EYS: variants seen among roughly 807,000 people sequenced by gnomAD.
The protein encoded by EYS is protein eyes shut homolog.
A neutral mutation model predicts 282.1 loss-of-function variants in EYS; 250 were observed. That is an observed-to-expected ratio of 0.89 (90% CI 0.80 to 0.98). The LOEUF (loss-of-function observed/expected upper bound fraction) is 0.98, where lower values mean the gene tolerates loss of function less well. Among genes scored for constraint, EYS ranks in the 50% least tolerant of loss-of-function variants. EYS has a pLI of 0.00. For missense variants in EYS, 4,016 were observed against 3,709.0 expected, an observed-to-expected ratio of 1.08 and a Z score of -2.15; for synonymous variants, 1,355 against 1,282.9, an observed-to-expected ratio of 1.06 and a Z score of -1.20.
intron 36 of EYS, among the ~76,000 whole-genome samples, chr6:63,811,645 A>G (rs1771049512): frequency 6.6e-6 from 1 of 152,162 alleles, no homozygotes; most frequent in African/African-American, 2.4e-5. Context: ...CACATATCCA[A>G]CCAACTACTA....
intron 26 of EYS, among the ~76,000 whole-genome samples, chr6:64,458,265 T>TA (rs545228559): frequency 6.6e-6 from 1 of 152,140 alleles, no homozygotes; most frequent in Non-Finnish European, 1.5e-5. Context: ...TTACTTGTAC[T>TA]AGTCAGTTTT....
intron 28 of EYS, among the ~76,000 whole-genome samples, chr6:64,432,211 C>G (rs1408055104): frequency 6.6e-6 from 1 of 152,038 alleles, no homozygotes; most frequent in African/African-American, 2.4e-5. Flanking sequence ...AGTTTTAGAA[C>G]TGACAGAGTG....
chr6:64,227,345 ACT>A (rs1466958596), intron 31 of EYS, among the ~76,000 whole-genome samples: 2 of 151,840 alleles, frequency 1.3e-5, no homozygotes, highest in South Asian at 2.1e-4. Context: ...TTTAAAGAAA[ACT>A]CTCTTTTCTT....
rs545636713 is a variant in EYS, at chr6:63,927,161, C to T, written c.7055+57222G>A. Among the ~76,000 whole-genome samples the T allele has an allele frequency of 2.0e-5, 3 of 152,266 alleles. No individual in the cohort carries two copies. In the East Asian group the frequency reaches 5.8e-4, roughly 29 times the overall value. On this transcript the variant is annotated intron_variant, in intron 35 of 42. Transcript: ENST00000503581. The stretch of plus-strand genomic sequence containing the variant: ...GAAATTACTTGACCTCTCTGAGCCT[C>T]AGTTTGTTTCCGCAGAAAAGTAGGG...
At chr6:65,438,090 A>C (rs1768150885) in intron 5 of EYS, among the ~76,000 whole-genome samples, 1 of 144,936 alleles carries the variant, frequency 6.9e-6, no homozygotes, top group African/African-American at 2.6e-5. Flanking sequence ...CCCACCTACG[A>C]GTGAGAACAT....
At chr6:65,145,536 A>C (rs1764457129) in intron 12 of EYS, among the ~76,000 whole-genome samples, 1 of 151,932 alleles carries the variant, frequency 6.6e-6, no homozygotes, top group African/African-American at 2.4e-5. Flanking sequence ...GATGTGGAGG[A>C]AAGAAATGCC....
chr6:64,944,801 T>C (rs1583317686), intron 15 of EYS, among the ~76,000 whole-genome samples: 1 of 152,216 alleles, frequency 6.6e-6, no homozygotes, highest in Non-Finnish European at 1.5e-5. Flanking sequence ...AACCGCCCTA[T>C]GGTGGGAGGC....
intron 22 of EYS, among the ~76,000 whole-genome samples, chr6:64,636,723 G>A (rs1767994181): frequency 6.6e-6 from 1 of 151,832 alleles, no homozygotes; most frequent in African/African-American, 2.4e-5. Flanking sequence ...AATCTACAAT[G>A]AACTCAAACA....
At chr6:64,335,592 G>A (rs1253454968) in intron 29 of EYS, among the ~76,000 whole-genome samples, 3 of 152,032 alleles carry the variant, frequency 2.0e-5, no homozygotes, top group South Asian at 2.1e-4. Flanking sequence ...ACGTATGTCC[G>A]GCTGAGCCAG....
At chr6:64,728,484 G>A (rs1015939423) in intron 22 of EYS, among the ~76,000 whole-genome samples, 4 of 151,930 alleles carry the variant, frequency 2.6e-5, no homozygotes, top group Non-Finnish European at 5.9e-5. Flanking sequence ...ACAGGCGCCC[G>A]CCACCATGCC....
At chr6:65,412,652 T>C (rs1023620372) in intron 5 of EYS, among the ~76,000 whole-genome samples, 16 of 152,280 alleles carry the variant, frequency 1.1e-4, no homozygotes, top group African/African-American at 3.8e-4. Flanking sequence ...TTTCTCCTTG[T>C]ATTTTTTGTC....
intron 2 of EYS, among the ~76,000 whole-genome samples, chr6:65,508,518 T>C (rs932069301): frequency 4.0e-5 from 6 of 151,268 alleles, no homozygotes; most frequent in Admixed American, 2.0e-4. Flanking sequence ...CTAAAAAATA[T>C]AAAAAATTAG....
At chr6:64,953,279 G>GA (rs527973453) in intron 14 of EYS, among the ~76,000 whole-genome samples, 149 of 151,486 alleles carry the variant, frequency 9.8e-4, no homozygotes, top group African/African-American at 3.3e-3. Flanking sequence ...GATATATACT[G>GA]AAAAAAATAG....
intron 5 of EYS, among the ~76,000 whole-genome samples, chr6:65,418,106 T>C (rs1051750666): frequency 9.2e-5 from 14 of 152,042 alleles, no homozygotes; most frequent in African/African-American, 3.1e-4. Context: ...AATATGCATA[T>C]GTTACATATC....
chr6:64,120,504 TGAAATCAAATA>T (rs1773551177), intron 31 of EYS, among the ~76,000 whole-genome samples: 1 of 152,018 alleles, frequency 6.6e-6, no homozygotes, highest in African/African-American at 2.4e-5. Context: ...TAAATTTTAA[TGAAATCAAATA>T]GAAAAGAAAA....
intron 26 of EYS, among the ~76,000 whole-genome samples, chr6:64,475,035 T>G (rs1776219002): frequency 6.6e-6 from 1 of 152,136 alleles, no homozygotes; most frequent in Admixed American, 6.5e-5. Context: ...AAACATAAAT[T>G]TACAAATATC....
At chr6:65,238,385 C>T (rs1179663894) in intron 12 of EYS, among the ~76,000 whole-genome samples, 12 of 151,742 alleles carry the variant, frequency 7.9e-5, no homozygotes, top group Non-Finnish European at 1.5e-4. Context: ...TAATCCAAAG[C>T]ATCATCATGA....
chr6:64,147,061 ATCT>A (rs1317087569), intron 31 of EYS, among the ~76,000 whole-genome samples: 4 of 152,118 alleles, frequency 2.6e-5, no homozygotes, highest in Non-Finnish European at 4.4e-5. Flanking sequence ...CCTTAGGGAG[ATCT>A]TCTAAGTCAA....
intron 31 of EYS, among the ~76,000 whole-genome samples, chr6:64,091,115 A>T (rs1772343181): frequency 6.6e-6 from 1 of 152,146 alleles, no homozygotes; most frequent in African/African-American, 2.4e-5. Flanking sequence ...ACATTCATTA[A>T]TTTTGAAATT....
Sources: gnomAD v4.1 joint callset for allele counts (sites outside exome capture counted in the v4.1 genomes callset) on GRCh38, gnomAD v4.1.1 for gene constraint, MANE v1.5 for transcripts, NCBI Gene and HGNC (gene_info 2026-07-23, HGNC 2026-07-21) for gene names.